The following PTPRD variants were observed in gnomAD, a reference collection of about 807,000 sequenced individuals.
PTPRD encodes the protein receptor-type tyrosine-protein phosphatase delta.
A neutral mutation model predicts 214.5 loss-of-function variants in PTPRD; 34 were observed. The ratio of observed to expected loss-of-function variants is 0.16; its 90% CI spans 0.12 to 0.21. The LOEUF is 0.21. PTPRD is among the 10% of genes least tolerant of loss of function. The pLI, the probability that PTPRD is intolerant of heterozygous loss-of-function variation, is 1.00. For missense variants in PTPRD, 2,545 were observed against 2,398.7 expected (o/e 1.06, Z -1.27); for synonymous variants, 1,128 against 845.7 (o/e 1.33, Z -5.79).
At chr9:8,778,507 T>C (rs1350489641) in intron 11 of PTPRD, among the ~76,000 whole-genome samples, 2 of 152,208 alleles carry the variant, frequency 1.3e-5, no homozygotes, top group South Asian at 2.1e-4. Context: ...ACACTGAAAC[T>C]GACTTCATGC....
At chr9:8,826,956 G>T (rs1488893137) in intron 11 of PTPRD, among the ~76,000 whole-genome samples, 1 of 151,918 alleles carries the variant, frequency 6.6e-6, no homozygotes, top group East Asian at 1.9e-4. Flanking sequence ...TTCTGCCTGG[G>T]ATGCTCTTTC....
At chr9:9,749,257 G>T (rs1328678948) in intron 6 of PTPRD, among the ~76,000 whole-genome samples, 3 of 152,146 alleles carry the variant, frequency 2.0e-5, no homozygotes, top group African/African-American at 7.2e-5. Flanking sequence ...TGTTTGGGAG[G>T]CATTTGGTTG....
chr9:8,908,497 G>A (rs1427053326), intron 11 of PTPRD, among the ~76,000 whole-genome samples: 1 of 152,026 alleles, frequency 6.6e-6, no homozygotes. Flanking sequence ...AATAACCCAT[G>A]GGGTAAAGAA....
chr9:9,315,639 A>G (rs1962374965), intron 9 of PTPRD, among the ~76,000 whole-genome samples: 1 of 151,732 alleles, frequency 6.6e-6, no homozygotes, highest in South Asian at 2.1e-4. Flanking sequence ...ATCATGCTTT[A>G]TATATTAACT....
chr9:9,319,113 T>A (rs1172693324), intron 9 of PTPRD, among the ~76,000 whole-genome samples: 2 of 152,214 alleles, frequency 1.3e-5, no homozygotes, highest in Non-Finnish European at 2.9e-5. Context: ...AATAGATTCT[T>A]AATCTGCAAA....
At chr9:9,525,813 ACTT>A (rs2154259623) in intron 8 of PTPRD, among the ~76,000 whole-genome samples, 3 of 151,502 alleles carry the variant, frequency 2.0e-5, no homozygotes, top group African/African-American at 7.3e-5. Flanking sequence ...ACCTTTGTAA[ACTT>A]TTTTTTTTTT....
At chr9:10,485,310 T>C (rs1275057908) in intron 2 of PTPRD, among the ~76,000 whole-genome samples, 1 of 152,142 alleles carries the variant, frequency 6.6e-6, no homozygotes, top group African/African-American at 2.4e-5. Context: ...CTTCCAATTT[T>C]ATTAACTTTG....
At chr9:9,536,244 G>A (rs557119728) in intron 8 of PTPRD, among the ~76,000 whole-genome samples, 15 of 151,948 alleles carry the variant, frequency 9.9e-5, no homozygotes, top group African/African-American at 3.4e-4. Flanking sequence ...TCTTATTTGT[G>A]TTTCCATTCC....
At chr9:9,447,683 G>C (rs1788217406) in intron 8 of PTPRD, among the ~76,000 whole-genome samples, 1 of 152,072 alleles carries the variant, frequency 6.6e-6, no homozygotes. Context: ...AAAAAATTTA[G>C]TTCTCAAGGG....
At chr9:9,140,834 T>A (rs2099859119) in intron 10 of PTPRD, among the ~76,000 whole-genome samples, 1 of 152,140 alleles carries the variant, frequency 6.6e-6, no homozygotes, top group Non-Finnish European at 1.5e-5. Context: ...CGCCTCAGCC[T>A]CCCAAAGTGC....
intron 11 of PTPRD, among the ~76,000 whole-genome samples, chr9:8,787,546 G>T (rs1021867324): frequency 3.3e-5 from 5 of 152,150 alleles, no homozygotes; most frequent in African/African-American, 7.2e-5. Flanking sequence ...TTAAAAAAAA[G>T]ATATTGAATA....
chr9:8,921,943 C>T (rs1318880385), intron 11 of PTPRD, among the ~76,000 whole-genome samples: 2 of 151,920 alleles, frequency 1.3e-5, no homozygotes, highest in Non-Finnish European at 2.9e-5. Flanking sequence ...GAAGAGGAGG[C>T]AAAATAAAAA....
chr9:9,759,751 G>T (rs1177773414), intron 6 of PTPRD, among the ~76,000 whole-genome samples: 1 of 151,734 alleles, frequency 6.6e-6, no homozygotes. Flanking sequence ...TAGAGACGGG[G>T]TTTCACCATG....
intron 5 of PTPRD, among the ~76,000 whole-genome samples, chr9:9,928,243 A>G (rs1372714848): frequency 6.6e-6 from 1 of 152,158 alleles, no homozygotes; most frequent in Non-Finnish European, 1.5e-5. Context: ...ACATGGTTAG[A>G]ATTAATTTCC....
chr9:10,449,546 G>A (rs1372686970), intron 2 of PTPRD, among the ~76,000 whole-genome samples: 1 of 151,444 alleles, frequency 6.6e-6, no homozygotes, highest in East Asian at 2.0e-4. Context: ...CCCAGTCTGG[G>A]AAGTGAGGAG....
intron 4 of PTPRD, among the ~76,000 whole-genome samples, chr9:10,018,538 C>CTTTTTT (rs71321214): frequency 0.033 from 2,323 of 70,938 alleles, 682 homozygotes; most frequent in Non-Finnish European, 0.046. Flanking sequence ...AATTACATTT[C>CTTTTTT]TTTTTTTTTT....
intron 2 of PTPRD, among the ~76,000 whole-genome samples, chr9:10,519,432 T>G: frequency 6.6e-6 from 1 of 152,150 alleles, no homozygotes; most frequent in East Asian, 1.9e-4. Context: ...ATAAAGATAT[T>G]CAAACATCTA....
At chr9:9,089,721 G>C (rs145430310) in intron 10 of PTPRD, among the ~76,000 whole-genome samples, 287 of 152,234 alleles carry the variant, frequency 1.9e-3, no homozygotes, top group African/African-American at 6.5e-3. Context: ...AAGAACGAAG[G>C]GTTGGTGTAG....
At chr9:8,510,568 A>G (rs2039691) in intron 21 of PTPRD, among the ~76,000 whole-genome samples, 23,860 of 152,132 alleles carry the variant, frequency 0.16, 2,386 homozygotes, top group African/African-American at 0.29. Flanking sequence ...CTTAATTACT[A>G]AAAATTAATT....
Sources: gnomAD v4.1 joint callset for allele counts (sites outside exome capture counted in the v4.1 genomes callset) on GRCh38, gnomAD v4.1.1 for gene constraint, MANE v1.5 for transcripts, NCBI Gene and HGNC (gene_info 2026-07-23, HGNC 2026-07-21) for gene names.